IQUB: variants seen among roughly 807,000 people sequenced by gnomAD.
The protein encoded by IQUB is IQ motif and ubiquitin domain containing, also known as IQ motif and ubiquitin-like domain-containing protein.
In IQUB, 86 loss-of-function variants were observed where a neutral mutation model predicts 86.4. That is an observed-to-expected ratio of 1.00 (90% CI 0.84 to 1.19). The LOEUF (loss-of-function observed/expected upper bound fraction) is 1.19. Among genes scored for constraint, IQUB ranks in the 50% most tolerant of loss-of-function variants. IQUB has a pLI of 0.00. For missense variants in IQUB, 946 were observed against 916.9 expected (o/e 1.03, Z -0.41); for synonymous variants, 289 against 304.5 (o/e 0.95, Z 0.53).
At chr7:123,493,731 ATGTGTGTGTGTG>A (rs71161484) in intron 7 of IQUB, among the ~76,000 whole-genome samples, 83 of 112,660 alleles carry the variant, frequency 7.4e-4, no homozygotes, top group African/African-American at 2.1e-3. Flanking sequence ...ATGTGTGTGT[ATGTGTGTGTGTG>A]TGTGTGTGTG....
chr7:123,464,093 T>A (rs1794134831), intron 10 of IQUB, among the ~76,000 whole-genome samples: 1 of 151,834 alleles, frequency 6.6e-6, no homozygotes, highest in African/African-American at 2.4e-5. Flanking sequence ...AGATGTTTAG[T>A]CAGCTTTTTA....
chr7:123,486,719 T>A (rs1391545891), intron 7 of IQUB, among the ~76,000 whole-genome samples: 3 of 152,172 alleles, frequency 2.0e-5, no homozygotes, highest in African/African-American at 7.2e-5. Flanking sequence ...CAGATTTCAT[T>A]TAATTTGCCC....
chr7:123,456,316 G>C (rs1793694892), intron 12 of IQUB, among the ~76,000 whole-genome samples: 1 of 151,906 alleles, frequency 6.6e-6, no homozygotes, highest in African/African-American at 2.4e-5. Flanking sequence ...TCTCATCATG[G>C]GTCCTAGATG....
intron 7 of IQUB, among the ~76,000 whole-genome samples, chr7:123,483,820 G>A (rs1346421653): frequency 6.6e-6 from 1 of 152,010 alleles, no homozygotes; most frequent in Admixed American, 6.6e-5. Context: ...ATTCAATCAA[G>A]TAAAATATAC....
rs138157206 is a variant in IQUB at position 123,469,290 on chromosome 7, T to C, written c.1505A>G (p.Tyr502Cys). Residue 502 changes from tyrosine to cysteine, a missense_variant, in exon 9 of 13, where the codon TAT becomes TGT. Physicochemically the swap from Tyr to Cys is radical, Grantham distance 194 (BLOSUM62 -2). Coordinates refer to ENST00000324698, the MANE Select transcript of IQUB (RefSeq NM_178827.5). ...TIRARELQNI[Y>C]KCIMLKNISQ... ...GATATTTTTCAGCATAATGCACTTATAGATATTTTGCAGCTCTCTGGCTCT... is the reference window on the plus strand; with the variant it reads ...GATATTTTTCAGCATAATGCACTTACAGATATTTTGCAGCTCTCTGGCTCT... 1.3e-5 allele frequency: 21 copies of C among 1,610,054 alleles called. No individual in the cohort carries two copies. The highest frequency in any genetic ancestry group is 8.4e-5 in the Admixed American group (5 of 59,470).
intron 12 of IQUB, chr7:123,456,619 C>G (rs947010737): frequency 6.6e-6 from 1 of 151,950 alleles, no homozygotes; most frequent in African/African-American, 2.4e-5. Flanking sequence ...CTTTACTTTC[C>G]TTTAGCTGAC....
At chr7:123,513,705 G>A (rs1377002741) in intron 1 of IQUB, among the ~76,000 whole-genome samples, 1 of 152,204 alleles carries the variant, frequency 6.6e-6, no homozygotes, top group Non-Finnish European at 1.5e-5. Flanking sequence ...CTGGAGTGCA[G>A]TGGTCCAATC....
At position 123,496,879 on chromosome 7, in the gene IQUB, G is replaced by C; in HGVS notation, c.1051C>G (p.Gln351Glu). 1.2e-6 allele frequency: 2 copies of C among 1,611,190 alleles called. No homozygotes were observed. Among genetic ancestry groups the C allele is most frequent in the Non-Finnish European group, 1.7e-6 (2 of 1,178,724 alleles). Residue 351 changes from glutamine to glutamate, a missense_variant, in exon 7 of 13, where the codon CAA (glutamine) becomes GAA (glutamate). By Grantham distance (29) the Gln-to-Glu change is conservative. Transcript: ENST00000324698. The stretch of plus-strand genomic sequence containing the variant: ...TCTACGAAGATTTTAGCATGCCATT[G>C]CCTGTAGTAAGTCTGTATCACTATC... ...AVIVIQTYYR[Q>E]WHAKIFVENL...
chr7:123,526,125 T>C (rs1797194958), intron 1 of IQUB, among the ~76,000 whole-genome samples: 1 of 147,846 alleles, frequency 6.8e-6, no homozygotes, highest in Admixed American at 7.0e-5. Context: ...CTTCCAAGTA[T>C]GTGGTCAATT....
At position 123,461,507 on chromosome 7, in the gene IQUB, T is replaced by C. The variant is rs1316437509; in HGVS notation, c.1857A>G (p.Ser619=). The change falls in exon 11 of 13, where the codon TCA becomes TCG. Residue 619 remains serine, a synonymous_variant. Coordinates refer to ENST00000324698, the MANE Select transcript of IQUB (RefSeq NM_178827.5). ...PSTEFSVSST[S]RRIYRCRNCI... The stretch of plus-strand genomic sequence containing the variant: ...AGTTACGACACCGGTATATGCGGCG[T>C]GAGGTGGATGATACAGAAAATTCTG... 6.2e-7 allele frequency: 1 copy of C among 1,612,200 alleles called. No individual in the cohort carries two copies. Among genetic ancestry groups the C allele is most frequent in the South Asian group, 1.1e-5 (1 of 91,012 alleles).
chr7:123,526,534 T>C (rs1017769247), intron 1 of IQUB, among the ~76,000 whole-genome samples: 1 of 151,950 alleles, frequency 6.6e-6, no homozygotes, highest in Non-Finnish European at 1.5e-5. Flanking sequence ...TGCCTTTTTT[T>C]GTTTTCCATT....
intron 4 of IQUB, 33 bp from the exon 5 acceptor site, chr7:123,503,149 C>T (rs1359593841): frequency 6.2e-7 from 1 of 1,609,202 alleles, no homozygotes. Flanking sequence ...AATGAAAGCT[C>T]AACCAAGAAG....
chr7:123,494,801 T>C lies in IQUB; in HGVS notation c.1234+1895A>G, dbSNP rs189421822. Among the ~76,000 whole-genome samples, 403 of 152,212 alleles carry C rather than the reference T, an allele frequency of 2.6e-3. 3 individuals carry two copies. Among genetic ancestry groups the C allele is most frequent in the African/African-American group, 8.8e-3 (366 of 41,550 alleles). On this transcript the variant is annotated intron_variant, in intron 7 of 12. Coordinates refer to ENST00000324698, the MANE Select transcript of IQUB (RefSeq NM_178827.5). ...CAGGCCAAAAATTATTAATTCCTTT[T>C]GATAGATGAAGAAATCGAGGTTTAG...
intron 1 of IQUB, among the ~76,000 whole-genome samples, chr7:123,528,166 G>A (rs1269800600): frequency 1.3e-5 from 2 of 152,162 alleles, no homozygotes; most frequent in East Asian, 3.9e-4. Flanking sequence ...GCCTCGCCCT[G>A]CTTCGGCTCG....
intron 1 of IQUB, among the ~76,000 whole-genome samples, chr7:123,525,680 G>GT (rs1032859882): frequency 6.6e-6 from 1 of 152,022 alleles, no homozygotes; most frequent in Non-Finnish European, 1.5e-5. Context: ...TTTTTGAAGG[G>GT]TTTTTTGTGT....
At chr7:123,456,029 T>C (rs912422967) in intron 12 of IQUB, among the ~76,000 whole-genome samples, 5 of 152,146 alleles carry the variant, frequency 3.3e-5, no homozygotes, top group African/African-American at 1.2e-4. Flanking sequence ...TCCATCTTTC[T>C]GCAAGATATA....
At chr7:123,466,435 G>A (rs923514514) in intron 9 of IQUB, among the ~76,000 whole-genome samples, 35 of 151,962 alleles carry the variant, frequency 2.3e-4, no homozygotes, top group African/African-American at 8.5e-4. Context: ...TAAGTATCAT[G>A]TTTATTTCCT....
rs73720250 is a variant in IQUB, at chr7:123,455,426, T to C, written c.2193+1955A>G. Among the ~76,000 whole-genome samples the C allele has an allele frequency of 8.2e-3, 1,243 of 152,170 alleles. 14 individuals carry two copies. Among genetic ancestry groups the C allele is most frequent in the African/African-American group, 0.029 (1,187 of 41,516 alleles). On this transcript the variant is annotated intron_variant, in intron 12 of 12. Coordinates refer to ENST00000324698, the MANE Select transcript of IQUB (RefSeq NM_178827.5). ...TTCTACATTACATTTTTTATTCTGTTCAGATTCTAAGCCAATAATATATTG... is the reference window on the plus strand; with the variant it reads ...TTCTACATTACATTTTTTATTCTGTCCAGATTCTAAGCCAATAATATATTG...
intron 3 of IQUB, among the ~76,000 whole-genome samples, chr7:123,508,940 C>A (rs1796303422): frequency 6.6e-6 from 1 of 152,114 alleles, no homozygotes; most frequent in Non-Finnish European, 1.5e-5. Flanking sequence ...AAATTAATCA[C>A]CAACACCAAC....
Sources: gnomAD v4.1 joint callset for allele counts (sites outside exome capture counted in the v4.1 genomes callset) on GRCh38, gnomAD v4.1.1 for gene constraint, MANE v1.5 for transcripts, NCBI Gene and HGNC (gene_info 2026-07-23, HGNC 2026-07-21) for gene names.